FOXN3: variants seen among roughly 807,000 people sequenced by gnomAD.
FOXN3 encodes forkhead box N3, also known as forkhead box protein N3.
FOXN3 carries 7 observed loss-of-function variants against 38.4 expected under a neutral mutation model. That is an observed-to-expected ratio of 0.18 (90% confidence interval 0.10 to 0.34). FOXN3 has a LOEUF of 0.34. FOXN3 is among the 10% of genes least tolerant of loss of function. The pLI is 1.00. For synonymous variants in FOXN3, 230 were observed against 242.2 expected (o/e 0.95, Z 0.47); for missense variants, 456 against 613.4 (o/e 0.74, Z 2.71).
chr14:89,267,005 G>A (rs768748498), intron 4 of FOXN3, among the ~76,000 whole-genome samples: 4 of 152,176 alleles, frequency 2.6e-5, no homozygotes, highest in Non-Finnish European at 5.9e-5. Context: ...AAAAGCAAAG[G>A]GGAAAAGTGA....
At chr14:89,367,626 C>T (rs1027476802) in intron 2 of FOXN3, among the ~76,000 whole-genome samples, 7 of 152,046 alleles carry the variant, frequency 4.6e-5, no homozygotes, top group South Asian at 2.1e-4. Flanking sequence ...GGAGACAGAA[C>T]GGGGGTTGGA....
chr14:89,259,554 AAAAAT>A (rs763388656), intron 4 of FOXN3, among the ~76,000 whole-genome samples: 57 of 152,304 alleles, frequency 3.7e-4, no homozygotes, highest in Admixed American at 6.5e-4. Context: ...ACTTCCTTTA[AAAAAT>A]AAAATAAAAT....
chr14:89,449,125 G>A (rs1227448582), intron 1 of FOXN3, among the ~76,000 whole-genome samples: 7 of 152,164 alleles, frequency 4.6e-5, no homozygotes, highest in African/African-American at 1.7e-4. Flanking sequence ...TCTTTCATGT[G>A]TTCTGACAGA....
chr14:89,591,744 C>T (rs769018199), intron 1 of FOXN3, among the ~76,000 whole-genome samples: 61 of 152,110 alleles, frequency 4.0e-4, no homozygotes, highest in Middle Eastern at 3.4e-3. Context: ...GGGCAACATA[C>T]GGAGACACCA....
chr14:89,169,508 T>TAC lies in FOXN3; in HGVS notation c.852-6541_852-6540dup, dbSNP rs56217837. On this transcript the variant is annotated intron_variant, in intron 5 of 5. Coordinates refer to ENST00000557258, the MANE Select transcript of FOXN3 (RefSeq NM_005197.4). ...ACAATAATAATAATGACTAAGTGGTTACACACACACACACACACACTCACA... is the reference window on the plus strand; with the variant it reads ...ACAATAATAATAATGACTAAGTGGTTACACACACACACACACACACACTCACA... Among the ~76,000 whole-genome samples the TAC allele has an allele frequency of 2.7e-3, 402 of 150,222 alleles. 1 individual carries two copies. The highest frequency in any genetic ancestry group is 6.7e-3 in the East Asian group (34 of 5,098).
intron 1 of FOXN3, among the ~76,000 whole-genome samples, chr14:89,473,181 C>T (rs1335630891): frequency 1.4e-4 from 21 of 151,172 alleles, no homozygotes; most frequent in African/African-American, 5.1e-4. Context: ...CCTCCCACCA[C>T]GCCTGGCTAA....
At chr14:89,495,742 A>G (rs920195533) in intron 1 of FOXN3, among the ~76,000 whole-genome samples, 2 of 152,208 alleles carry the variant, frequency 1.3e-5, no homozygotes, top group African/African-American at 2.4e-5. Flanking sequence ...GCATTTTGAC[A>G]TAGGTTATTT....
intron 3 of FOXN3, among the ~76,000 whole-genome samples, chr14:89,326,416 T>C (rs773186632): frequency 1.3e-5 from 2 of 152,212 alleles, no homozygotes; most frequent in Non-Finnish European, 2.9e-5. Context: ...CAAACTCTTC[T>C]TGAATCAAAA....
At chr14:89,547,091 T>C (rs1393560492) in intron 1 of FOXN3, among the ~76,000 whole-genome samples, 1 of 152,140 alleles carries the variant, frequency 6.6e-6, no homozygotes, top group Non-Finnish European at 1.5e-5. Flanking sequence ...GCCCTGACAC[T>C]AGGTAATTTA....
At chr14:89,611,728 C>A (rs1362336486) in intron 1 of FOXN3, among the ~76,000 whole-genome samples, 1 of 150,960 alleles carries the variant, frequency 6.6e-6, no homozygotes, top group Non-Finnish European at 1.5e-5. Context: ...ACGGCGTGAA[C>A]CTGGGAGGCG....
intron 1 of FOXN3, among the ~76,000 whole-genome samples, chr14:89,597,238 C>T (rs1277512259): frequency 6.6e-6 from 1 of 152,058 alleles, no homozygotes; most frequent in Non-Finnish European, 1.5e-5. Context: ...TGCTTAACTT[C>T]TAAACATATG....
At chr14:89,478,170 C>G (rs181251986) in intron 1 of FOXN3, among the ~76,000 whole-genome samples, 1 of 151,996 alleles carries the variant, frequency 6.6e-6, no homozygotes, top group South Asian at 2.1e-4. Flanking sequence ...GTGTGTGGCG[C>G]CTCCCCTCAC....
intron 2 of FOXN3, among the ~76,000 whole-genome samples, chr14:89,385,499 T>TAAAAAAAAAAAAAAAA (rs10681650): frequency 9.2e-6 from 1 of 108,836 alleles, no homozygotes; most frequent in Non-Finnish European, 1.8e-5. Flanking sequence ...GGCAAACATT[T>TAAAAAAAAAAAAAAAA]AAAAAAAAAA....
At chr14:89,465,486 T>C (rs1211488976) in intron 1 of FOXN3, among the ~76,000 whole-genome samples, 1 of 152,192 alleles carries the variant, frequency 6.6e-6, no homozygotes. Flanking sequence ...CCTCCCAAAG[T>C]GCTGGGATTA....
At chr14:89,597,273 TA>T (rs1170636343) in intron 1 of FOXN3, among the ~76,000 whole-genome samples, 1 of 152,204 alleles carries the variant, frequency 6.6e-6, no homozygotes, top group Non-Finnish European at 1.5e-5. Flanking sequence ...ATATTTTTTG[TA>T]ATTGATTTCT....
At chr14:89,192,746 A>G (rs1887991983) in intron 4 of FOXN3, among the ~76,000 whole-genome samples, 1 of 146,238 alleles carries the variant, frequency 6.8e-6, no homozygotes, top group South Asian at 2.1e-4. Context: ...TATGTATACT[A>G]TCATATATAA....
At chr14:89,278,752 T>C (rs1383387612) in intron 4 of FOXN3, among the ~76,000 whole-genome samples, 1 of 151,958 alleles carries the variant, frequency 6.6e-6, no homozygotes, top group Non-Finnish European at 1.5e-5. Context: ...TCTAGAAAAA[T>C]TTTCTTCCAC....
At chr14:89,369,560 T>TA (rs1223526368) in intron 2 of FOXN3, among the ~76,000 whole-genome samples, 1 of 150,546 alleles carries the variant, frequency 6.6e-6, no homozygotes, top group Non-Finnish European at 1.5e-5. Flanking sequence ...TTTTTTTTTT[T>TA]AAAAAAGAGG....
rs4255719 is a variant in FOXN3, at chr14:89,193,982, G to A, written c.746-13176C>T. Among the ~76,000 whole-genome samples, 1,164 of 152,132 alleles carry A rather than the reference G, an allele frequency of 7.7e-3. 16 individuals carry two copies. Among genetic ancestry groups the A allele is most frequent in the African/African-American group, 0.027 (1,114 of 41,512 alleles). On this transcript the variant is annotated intron_variant, in intron 4 of 5. Coordinates refer to ENST00000557258, the MANE Select transcript of FOXN3 (RefSeq NM_005197.4). ...CTTTTCATGTGCTTGATGGCCATTC[G>A]TATCTTACATGAAAAGTCTGTTAAA...
Sources: gnomAD v4.1 joint callset for allele counts (sites outside exome capture counted in the v4.1 genomes callset) on GRCh38, gnomAD v4.1.1 for gene constraint, MANE v1.5 for transcripts, NCBI Gene and HGNC (gene_info 2026-07-23, HGNC 2026-07-21) for gene names.